The following AGTPBP1 variants were observed in gnomAD, a reference collection of about 807,000 sequenced individuals.
AGTPBP1 encodes the protein cytosolic carboxypeptidase 1.
A neutral mutation model predicts 143.9 loss-of-function variants in AGTPBP1; 70 were observed. The observed-to-expected ratio is 0.49, with a 90% confidence interval of 0.40 to 0.59. AGTPBP1 has a LOEUF of 0.59. AGTPBP1 is among the 20% of genes least tolerant of loss of function. The pLI, the probability that AGTPBP1 is intolerant of heterozygous loss-of-function variation, is 0.00. For missense variants in AGTPBP1, 1,229 were observed against 1,464.5 expected (o/e 0.84, Z 2.62); for synonymous variants, 463 against 500.2 (o/e 0.93, Z 0.99).
chr9:85,560,947 T>G (rs944494569), intron 25 of AGTPBP1, among the ~76,000 whole-genome samples: 2 of 152,106 alleles, frequency 1.3e-5, no homozygotes, highest in African/African-American at 4.8e-5. Context: ...CCAAAACTGA[T>G]AGAAGACATG....
At chr9:85,785,506 G>T in the AGTPBP1 span, among the ~76,000 whole-genome samples, 1 of 152,144 alleles carries the variant, frequency 6.6e-6, no homozygotes, top group Admixed American at 6.5e-5. Flanking sequence ...AGAACCTCTA[G>T]CTTTGATCTC....
chr9:85,562,844 T>C (rs28495194), intron 25 of AGTPBP1, among the ~76,000 whole-genome samples: 9,549 of 152,252 alleles, frequency 0.063, 1,022 homozygotes, highest in African/African-American at 0.22. Context: ...CCAATTCATA[T>C]GTTGAAATCC....
In AGTPBP1 at chr9:85,585,456, T is replaced by G. The variant is rs779251586; in HGVS notation, c.3165+7A>C. The G allele has an allele frequency of 5.7e-6, 9 of 1,583,146 alleles. No homozygotes were observed. The African/African-American group carries it at 1.1e-4, about 19-fold the overall frequency. ...TCAAAAACTTATGAATCATCTGTAA[T>G]AATTACCCTGTATCCCGTATCCTCC... On this transcript the variant is annotated splice_region_variant and intron_variant, in intron 23 of 25. Transcript: ENST00000357081.
intron 17 of AGTPBP1, among the ~76,000 whole-genome samples, chr9:85,601,244 G>A (rs1397211029): frequency 6.6e-6 from 1 of 152,178 alleles, no homozygotes; most frequent in Non-Finnish European, 1.5e-5. Context: ...GACTTCCCCA[G>A]CCCACCAGCA....
chr9:85,681,745 C>CTTTTTTTTT (rs1204253430), intron 3 of AGTPBP1, among the ~76,000 whole-genome samples: 3 of 105,900 alleles, frequency 2.8e-5, no homozygotes, highest in African/African-American at 3.9e-5. Flanking sequence ...GCATTAATAT[C>CTTTTTTTTT]TTTTTTTTTT....
At chr9:85,661,362 A>G (rs1833847539) in intron 8 of AGTPBP1, among the ~76,000 whole-genome samples, 1 of 152,136 alleles carries the variant, frequency 6.6e-6, no homozygotes, top group Non-Finnish European at 1.5e-5. Flanking sequence ...TTAAAAACAA[A>G]TCTTAACACA....
the AGTPBP1 span, among the ~76,000 whole-genome samples, chr9:85,762,819 C>T: frequency 1.4e-5 from 2 of 147,152 alleles, no homozygotes; most frequent in Non-Finnish European, 3.0e-5. Context: ...ATATGTAAAA[C>T]TTTATATATA....
At chr9:85,657,309 A>C in intron 10 of AGTPBP1, 126 bp downstream of exon 10, 1 of 859,290 alleles carries the variant, frequency 1.2e-6, no homozygotes, top group East Asian at 2.7e-5. Context: ...TTTACTTTTA[A>C]GATTTTCGAA....
the AGTPBP1 span, among the ~76,000 whole-genome samples, chr9:85,778,940 G>A: frequency 4.6e-5 from 7 of 152,058 alleles, no homozygotes; most frequent in Non-Finnish European, 1.0e-4. Flanking sequence ...AGTGTCAAAT[G>A]CATTTATTTT....
chr9:85,800,506 T>C, the AGTPBP1 span, among the ~76,000 whole-genome samples: 8,792 of 152,224 alleles, frequency 0.058, 827 homozygotes, highest in African/African-American at 0.19. Flanking sequence ...GGCATTTTAT[T>C]CAGCGGGGAT....
chr9:85,671,141 TCTCA>T (rs1486148640), intron 7 of AGTPBP1, among the ~76,000 whole-genome samples: 7 of 151,916 alleles, frequency 4.6e-5, no homozygotes, highest in African/African-American at 1.7e-4. Flanking sequence ...AGAAATGGCA[TCTCA>T]CTATGTTGCC....
chr9:85,589,625 T>C lies in AGTPBP1; in HGVS notation c.2625A>G (p.Lys875=). ...AHNPQQIYFR[K]DVLCETLSGN... is the part of the protein sequence containing the mutation. Reference sequence around the variant, plus strand: ...CAGACAGGGTTTCACATAACACATCTTTCCGAAAATAGATTTGCTGAGGAT... The same window carrying C: ...CAGACAGGGTTTCACATAACACATCCTTCCGAAAATAGATTTGCTGAGGAT... Residue 875 remains lysine (K), a synonymous_variant, in exon 20 of 26, where the codon AAA becomes AAG. Coordinates refer to ENST00000357081, the MANE Select transcript of AGTPBP1 (RefSeq NM_001330701.2). 6.2e-7 allele frequency: 1 copy of C among 1,613,556 alleles called. No homozygotes were observed. Among genetic ancestry groups the C allele is most frequent in the Non-Finnish European group, 8.5e-7 (1 of 1,179,658 alleles).
At chr9:85,793,037 A>G in the AGTPBP1 span, among the ~76,000 whole-genome samples, 233 of 152,290 alleles carry the variant, frequency 1.5e-3, 2 homozygotes, top group African/African-American at 5.2e-3. Context: ...CTCTGGGAAG[A>G]TTAATGTGAA....
intron 25 of AGTPBP1, among the ~76,000 whole-genome samples, chr9:85,571,847 A>G (rs990937554): frequency 2.0e-5 from 3 of 152,148 alleles, no homozygotes; most frequent in African/African-American, 4.8e-5. Flanking sequence ...AAAAGTCAGA[A>G]GTATGTAAAA....
intron 25 of AGTPBP1, among the ~76,000 whole-genome samples, chr9:85,551,546 G>A (rs1826038846): frequency 6.6e-6 from 1 of 152,146 alleles, no homozygotes; most frequent in Non-Finnish European, 1.5e-5. Flanking sequence ...TCAGTTTCCA[G>A]AAGGGCATGA....
At chr9:85,733,728 A>G (rs903927769) in intron 1 of AGTPBP1, among the ~76,000 whole-genome samples, 1 of 152,208 alleles carries the variant, frequency 6.6e-6, no homozygotes, top group African/African-American at 2.4e-5. Flanking sequence ...GATTTAAAAG[A>G]GAGAGGACTC....
the AGTPBP1 span, among the ~76,000 whole-genome samples, chr9:85,796,346 T>C: frequency 1.4e-4 from 22 of 152,344 alleles, 1 homozygote; most frequent in East Asian, 4.2e-3. Flanking sequence ...AGTGGTTTAA[T>C]ATGTTAACTC....
the AGTPBP1 span, among the ~76,000 whole-genome samples, chr9:85,755,881 TA>T: frequency 1.3e-5 from 2 of 152,206 alleles, no homozygotes; most frequent in Non-Finnish European, 2.9e-5. Flanking sequence ...TAATTCTTTA[TA>T]AAACAACATA....
At chr9:85,620,473 T>C (rs1477839077) in intron 15 of AGTPBP1, among the ~76,000 whole-genome samples, 1 of 149,802 alleles carries the variant, frequency 6.7e-6, no homozygotes, top group Non-Finnish European at 1.5e-5. Flanking sequence ...ATTGGCAAGA[T>C]GTGAAATTTT....
Sources: gnomAD v4.1 joint callset for allele counts (sites outside exome capture counted in the v4.1 genomes callset) on GRCh38, gnomAD v4.1.1 for gene constraint, MANE v1.5 for transcripts, NCBI Gene and HGNC (gene_info 2026-07-23, HGNC 2026-07-21) for gene names.